Variants in OR10G4 observed in about 807,000 individuals in gnomAD.
OR10G4 encodes the protein olfactory receptor 10G4.
For missense variants in OR10G4, 318 were observed against 388.8 expected, an observed-to-expected ratio of 0.82 and a Z score of 1.53; for synonymous variants, 130 against 159.3, an observed-to-expected ratio of 0.82 and a Z score of 1.39.
In OR10G4 at chr11:124,015,515, G is replaced by C. The variant is rs955989270; in HGVS notation, c.-27-33G>C. 3 of 1,547,058 alleles carry C rather than the reference G, an allele frequency of 1.9e-6. No individual in the cohort carries two copies. The African/African-American group carries it at 4.1e-5, about 21-fold the overall frequency. ...GAATGGATTCTCATTTCTCAATTAAGTGCTAAATGCTGGGTGCTCTTTATA... is the reference window on the plus strand; with the variant it reads ...GAATGGATTCTCATTTCTCAATTAACTGCTAAATGCTGGGTGCTCTTTATA... On this transcript the variant is annotated intron_variant, in intron 1 of 1. Transcript: ENST00000641722.
Position 124,016,523 on chromosome 11 carries a change from A to G in OR10G4, c.*13A>G. The G allele has an allele frequency of 6.5e-7, 1 of 1,532,636 alleles. No individual in the cohort carries two copies. Among genetic ancestry groups the G allele is most frequent in the Non-Finnish European group, 8.8e-7 (1 of 1,136,326 alleles). 94.9% of individuals were successfully genotyped at this position (1,532,636 alleles called of 1,614,324 possible). On this transcript the variant is annotated 3_prime_UTR_variant, in exon 2 of 2. Transcript: ENST00000641722. Reference sequence around the variant, plus strand: ...TCAGAGGAAATAAATACTAGGAAGTAAATACACTAGTTTGTTTAAAAATAG... The same window carrying G: ...TCAGAGGAAATAAATACTAGGAAGTGAATACACTAGTTTGTTTAAAAATAG...
rs879089632 is a variant in OR10G4 at position 124,018,668 on chromosome 11, G to T, written c.*2158G>T. The T allele has an allele frequency of 6.6e-6, 1 of 152,092 alleles. No individual in the cohort carries two copies. The highest frequency in any genetic ancestry group is 6.6e-5 in the Admixed American group (1 of 15,264). 9.4% of individuals were successfully genotyped at this position (152,092 alleles called of 1,614,324 possible). A position where few individuals can be genotyped will look rare whatever the true frequency, so the allele number is the denominator to read the frequency against. On this transcript the variant is annotated 3_prime_UTR_variant, in exon 2 of 2. Transcript: ENST00000641722. Reference sequence around the variant, plus strand: ...ACAATGCTGCAATAAACATACATGTGCATGTGTCTTTATAGTAGCATGATT... The same window carrying T: ...ACAATGCTGCAATAAACATACATGTTCATGTGTCTTTATAGTAGCATGATT...
chr11:124,016,251 G>A lies in OR10G4; in HGVS notation c.677G>A (p.Arg226Gln), dbSNP rs11219408. 780 of 1,614,168 alleles carry A rather than the reference G, an allele frequency of 4.8e-4. 5 individuals carry two copies. In the African/African-American group the frequency reaches 9.3e-3, roughly 19 times the overall value. ...GTGTCCATCGTCTGTTCCATCCTGCGGATCCGCACCTCAGATGGGAGGCGC... is the reference window on the plus strand; with the variant it reads ...GTGTCCATCGTCTGTTCCATCCTGCAGATCCGCACCTCAGATGGGAGGCGC... ...SYVSIVCSIL[R>Q]IRTSDGRRRA... is the part of the protein sequence containing the mutation. Residue 226 changes from arginine (R) to glutamine (Q), a missense_variant, in exon 2 of 2, where the codon CGG (arginine) becomes CAG (glutamine). Coordinates refer to ENST00000641722, the MANE Select transcript of OR10G4 (RefSeq NM_001004462.2).
At position 124,016,685 on chromosome 11, in the gene OR10G4, A is replaced by G. The variant is rs113756855; in HGVS notation, c.*175A>G. On this transcript the variant is annotated 3_prime_UTR_variant, in exon 2 of 2. Transcript: ENST00000641722. ...GTTTTAACCTCACAGCTAGACTTAT[A>G]TTTATGATGAACATGATTATATTCT... 3 of 487,434 alleles carry G rather than the reference A, an allele frequency of 6.2e-6. No homozygotes were observed. The highest frequency in any genetic ancestry group is 7.0e-6 in the Non-Finnish European group (2 of 283,898). 30.2% of individuals were successfully genotyped at this position (487,434 alleles called of 1,614,324 possible).
Position 124,018,143 on chromosome 11 carries a change from A to C in OR10G4, c.*1633A>C, listed in dbSNP as rs1364994994. 1.3e-5 allele frequency: 2 copies of C among 152,234 alleles called. No homozygotes were observed. Among genetic ancestry groups the C allele is most frequent in the Non-Finnish European group, 2.9e-5 (2 of 68,034 alleles). The allele number at this position is 152,234 out of a possible 1,614,324, so 9.4% of individuals were successfully genotyped here. A position where few individuals can be genotyped will look rare whatever the true frequency, so the allele number is the denominator to read the frequency against. ...ACTGTATGACACTTCTTTAGGTAAG[A>C]CACTTTTTAGTGATGCAAAACCTTC... On this transcript the variant is annotated 3_prime_UTR_variant, in exon 2 of 2. Coordinates refer to ENST00000641722, the MANE Select transcript of OR10G4 (RefSeq NM_001004462.2).
At position 124,016,360 on chromosome 11, in the gene OR10G4, C is replaced by A. The variant is rs200509014; in HGVS notation, c.786C>A (p.Gly262=). 69 of 1,614,070 alleles carry A rather than the reference C, an allele frequency of 4.3e-5. No homozygotes were observed. The highest frequency in any genetic ancestry group is 5.8e-5 in the Non-Finnish European group (69 of 1,180,034). The change falls in exon 2 of 2, where the codon GGC becomes GGA. Residue 262 remains glycine (G), a synonymous_variant. Transcript: ENST00000641722. The part of the protein sequence containing the change: ...VPCVVIYLRP[G]SMDAMDGVVA... Reference sequence around the variant, plus strand: ...GTGTTGTCATTTATCTGAGGCCAGGCTCCATGGATGCCATGGATGGAGTTG... The same window carrying A: ...GTGTTGTCATTTATCTGAGGCCAGGATCCATGGATGCCATGGATGGAGTTG...
At chr11:124,015,495 G>T in intron 1 of OR10G4, 53 bp from the exon 2 acceptor site, 9 of 1,489,736 alleles carry the variant, frequency 6.0e-6, no homozygotes, top group Non-Finnish European at 8.2e-6. Context: ...ATAGAGAATG[G>T]ATTCTCATTT....
chr11:124,015,150 C>A, intron 1 of OR10G4: 1 of 207,894 alleles, frequency 4.8e-6, no homozygotes, highest in Non-Finnish European at 9.8e-6. Flanking sequence ...GACTGTGGTC[C>A]TCCCATGAGA....
intron 1 of OR10G4, chr11:124,014,815 T>C (rs1355965621): frequency 6.6e-6 from 1 of 152,214 alleles, no homozygotes; most frequent in African/African-American, 2.4e-5. Flanking sequence ...AGGAGCCCTC[T>C]AAATTCCTGC....
In OR10G4 at chr11:124,017,612, T is replaced by C. The variant is rs1864032357; in HGVS notation, c.*1102T>C. 6.6e-6 allele frequency: 1 copy of C among 152,242 alleles called. No individual in the cohort carries two copies. Among genetic ancestry groups the C allele is most frequent in the Admixed American group, 6.5e-5 (1 of 15,282 alleles). The allele number at this position is 152,242 out of a possible 1,614,324, so 9.4% of individuals were successfully genotyped here. A position where few individuals can be genotyped will look rare whatever the true frequency, so the allele number is the denominator to read the frequency against. On this transcript the variant is annotated 3_prime_UTR_variant, in exon 2 of 2. Transcript: ENST00000641722. ...TCAGATAAATATAAAATTTGCTGAA[T>C]GAATCTAGGATTATAAAGTGCACAT...
intron 1 of OR10G4, 148 bp from the exon 2 acceptor site, chr11:124,015,400 A>T (rs1864006090): frequency 2.6e-6 from 2 of 762,232 alleles, no homozygotes; most frequent in South Asian, 3.8e-5. Flanking sequence ...AAATAATTTC[A>T]TCATCATCTC....
rs1032555294 is a variant in OR10G4, at chr11:124,016,879, T to G, written c.*369T>G. 6.2e-6 allele frequency: 1 copy of G among 161,094 alleles called. No homozygotes were observed. Among genetic ancestry groups the G allele is most frequent in the African/African-American group, 2.4e-5 (1 of 41,700 alleles). The allele number at this position is 161,094 out of a possible 1,614,324, so 10.0% of individuals were successfully genotyped here. On this transcript the variant is annotated 3_prime_UTR_variant, in exon 2 of 2. Coordinates refer to ENST00000641722, the MANE Select transcript of OR10G4 (RefSeq NM_001004462.2). ...TTAAGAATTTACCATCATGGAGACA[T>G]AGTTCAAAACCAGCAACAAATATTA...
rs3017763 is a variant in OR10G4, at chr11:124,016,102, C to T, written c.528C>T (p.Tyr176=). Residue 176 remains tyrosine (Y), a synonymous_variant, in exon 2 of 2, where the codon TAC becomes TAT. Transcript: ENST00000641722. ...GTGGACCCAACCAGATCCAGCACTA[C>T]TTCTGTGACGCACCGCCCATCCTGA... ...PYCGPNQIQH[Y]FCDAPPILKL... 1.0e-3 allele frequency: 1,635 copies of T among 1,611,482 alleles called. 30 individuals are homozygous for T. In the South Asian group the frequency reaches 0.016, roughly 16 times the overall value.
At position 124,015,901 on chromosome 11, in the gene OR10G4, C is replaced by A. The variant is rs757242198; in HGVS notation, c.327C>A (p.Thr109=). The A allele has an allele frequency of 2.1e-5, 34 of 1,613,276 alleles. No individual in the cohort carries two copies. Among genetic ancestry groups the A allele is most frequent in the Non-Finnish European group, 2.7e-5 (32 of 1,179,646 alleles). The change falls in exon 2 of 2, where the codon ACC becomes ACA. Residue 109 remains threonine (T), a synonymous_variant. Coordinates refer to ENST00000641722, the MANE Select transcript of OR10G4 (RefSeq NM_001004462.2). The part of the protein sequence containing the change: ...QLYFFHFLGS[T]ECFLYTVMSY... ...ATTTTTTCCACTTCCTGGGGAGCAC[C>A]GAGTGTTTCCTCTACACAGTCATGT...
rs1214026834 is a variant in OR10G4, at chr11:124,015,703, C to A, written c.129C>A (p.Ile43=). Residue 43 remains isoleucine (I), a synonymous_variant, in exon 2 of 2, where the codon ATC becomes ATA. Transcript: ENST00000641722. ...YVLTVLGNLL[I]LLVIRVDSHL... is the part of the protein sequence containing the mutation. ...TCACTGTGCTGGGGAACCTCCTCAT[C>A]CTGCTGGTGATCAGGGTGGATTCTC... The A allele has an allele frequency of 3.7e-6, 6 of 1,609,858 alleles. No homozygotes were observed. Among genetic ancestry groups the A allele is most frequent in the African/African-American group, 1.3e-5 (1 of 74,842 alleles).
In OR10G4 at chr11:124,016,735, A is replaced by G; in HGVS notation, c.*225A>G. ...TGAATTATTGACTCATTTCTCATCA[A>G]TAGGTTTATATTAAGTTTAAAACAT... On this transcript the variant is annotated 3_prime_UTR_variant, in exon 2 of 2. Transcript: ENST00000641722. 5.3e-6 allele frequency: 2 copies of G among 376,674 alleles called. No individual in the cohort carries two copies. The highest frequency in any genetic ancestry group is 4.7e-6 in the Non-Finnish European group (1 of 211,730). 23.3% of individuals were successfully genotyped at this position (376,674 alleles called of 1,614,324 possible).
In OR10G4 at chr11:124,016,532, AGTTT is replaced by A; in HGVS notation, c.*27_*30del. 1.3e-6 allele frequency: 2 copies of A among 1,509,676 alleles called. No individual in the cohort carries two copies. The highest frequency in any genetic ancestry group is 1.8e-6 in the Non-Finnish European group (2 of 1,121,906). The allele number at this position is 1,509,676 out of a possible 1,614,324, so 93.5% of individuals were successfully genotyped here. On this transcript the variant is annotated 3_prime_UTR_variant, in exon 2 of 2. Transcript: ENST00000641722. ...ATAAATACTAGGAAGTAAATACACT[AGTTT>A]GTTTAAAAATAGTAATCTAATTTAG...
rs1033175563 is a variant in OR10G4, at chr11:124,016,454, G to T, written c.880G>T (p.Val294Leu). 6.2e-7 allele frequency: 1 copy of T among 1,612,718 alleles called. No individual in the cohort carries two copies. ...PVVYTLRNKE[V>L]KKAVLKLRDK... The stretch of plus-strand genomic sequence containing the variant: ...TGTGTACACCCTGAGAAACAAGGAG[G>T]TGAAGAAAGCTGTGTTGAAACTTAG... The change falls in exon 2 of 2, where the codon GTG becomes TTG. Residue 294 changes from valine (V) to leucine (L), a missense_variant. Val to Leu is a conservative substitution (Grantham distance 32). Transcript: ENST00000641722.
At chr11:124,014,606 C>A (rs574806444) in intron 1 of OR10G4, among the ~76,000 whole-genome samples, 2 of 152,148 alleles carry the variant, frequency 1.3e-5, no homozygotes, top group African/African-American at 4.8e-5. Flanking sequence ...CGTATATATA[C>A]ATATATAACC....
Sources: allele counts gnomAD v4.1 joint callset (sites outside exome capture counted in the v4.1 genomes callset), GRCh38; gene constraint gnomAD v4.1.1; transcripts MANE v1.5; gene names NCBI Gene and HGNC (gene_info 2026-07-23, HGNC 2026-07-21).